RADIL: variants seen among roughly 807,000 people sequenced by gnomAD.
RADIL encodes the protein Rap associating with DIL domain.
In RADIL, 99 loss-of-function variants were observed where a neutral mutation model predicts 97.6. That is an observed-to-expected ratio of 1.01 (90% CI 0.86 to 1.20). RADIL has a LOEUF of 1.20. Ranked by LOEUF, RADIL falls within the 50% of genes most tolerant of loss-of-function variation. RADIL has a pLI of 0.00. For missense variants in RADIL, 1,765 were observed against 1,498.9 expected (o/e 1.18, Z -2.93); for synonymous variants, 803 against 691.8 (o/e 1.16, Z -2.52).
intron 2 of RADIL, among the ~76,000 whole-genome samples, chr7:4,875,779 A>C (rs888605804): frequency 5.3e-5 from 8 of 152,024 alleles, no homozygotes; most frequent in African/African-American, 1.4e-4. Context: ...GCCTCACAGG[A>C]GGTCTTTTTG....
At chr7:4,866,865 G>A (rs1784142491) in intron 2 of RADIL, among the ~76,000 whole-genome samples, 1 of 152,214 alleles carries the variant, frequency 6.6e-6, no homozygotes, top group Admixed American at 6.5e-5. Context: ...CCTCATGAAT[G>A]GCTGGTACTG....
At chr7:4,803,888 G>A in intron 10 of RADIL, 134 bp from the exon 11 acceptor site, 1 of 830,608 alleles carries the variant, frequency 1.2e-6, no homozygotes, top group Non-Finnish European at 2.0e-6. Context: ...GGACACAGGA[G>A]GCTGGGATCC....
chr7:4,878,567 G>A lies in RADIL; in HGVS notation c.-64-364C>T, dbSNP rs1784419957. 6.6e-6 allele frequency among the ~76,000 whole-genome samples: 1 copy of A among 152,170 alleles called. No individual in the cohort carries two copies. The highest frequency in any genetic ancestry group is 1.5e-5 in the Non-Finnish European group (1 of 68,028). ...AATCTAATGGACATAACAGGCCGTGGGCATCCTGGCCCCGCAGACCTGACA... is the reference window on the plus strand; with the variant it reads ...AATCTAATGGACATAACAGGCCGTGAGCATCCTGGCCCCGCAGACCTGACA... On this transcript the variant is annotated intron_variant, in intron 1 of 14. Coordinates refer to ENST00000399583, the MANE Select transcript of RADIL (RefSeq NM_018059.5). This position sits in a 1 kb window ranked among gnomAD's most constrained non-coding sequence, Gnocchi z 4.1.
rs116508770 is a variant in RADIL, at chr7:4,871,521, C to G, written c.535+6084G>C. On this transcript the variant is annotated intron_variant, in intron 2 of 14. Coordinates refer to ENST00000399583, the MANE Select transcript of RADIL (RefSeq NM_018059.5). ...ATGCAAACTCAGAGCTGGCACTCAG[C>G]GACAACACAGACCTGCCACCCGCCT... Among the ~76,000 whole-genome samples the G allele has an allele frequency of 9.7e-3, 1,480 of 152,310 alleles. 19 individuals carry two copies. The highest frequency in any genetic ancestry group is 0.032 in the African/African-American group (1,312 of 41,560).
At chr7:4,807,979 CTCTCTCCCTGT>C in intron 9 of RADIL, among the ~76,000 whole-genome samples, 4 of 68,704 alleles carry the variant, frequency 5.8e-5, no homozygotes, top group African/African-American at 3.8e-4. Context: ...TCCCTCCTCC[CTCTCTCCCTGT>C]CTCTCTCCCC....
chr7:4,850,807 G>A (rs761476308), intron 2 of RADIL, among the ~76,000 whole-genome samples: 23 of 152,176 alleles, frequency 1.5e-4, no homozygotes, highest in Non-Finnish European at 2.6e-4. Context: ...TGTGAGACCT[G>A]GGCAGAGGGT....
At chr7:4,826,720 G>A (rs565052303) in intron 5 of RADIL, among the ~76,000 whole-genome samples, 40 of 144,736 alleles carry the variant, frequency 2.8e-4, no homozygotes, top group African/African-American at 6.7e-4. Context: ...GCAACAGAGC[G>A]AGACTCCGTC....
intron 9 of RADIL, among the ~76,000 whole-genome samples, chr7:4,806,684 T>C (rs1446886324): frequency 1.3e-5 from 2 of 152,232 alleles, no homozygotes; most frequent in African/African-American, 4.8e-5. Context: ...TTCTATGGAA[T>C]AGATCTTCTA....
At chr7:4,823,995 T>C (rs1225095040) in intron 5 of RADIL, among the ~76,000 whole-genome samples, 1 of 152,222 alleles carries the variant, frequency 6.6e-6, no homozygotes, top group African/African-American at 2.4e-5. Flanking sequence ...TAAGTCTCCA[T>C]AATCGCACCT....
In RADIL at chr7:4,854,519, T is replaced by A. The variant is rs948577033; in HGVS notation, c.536-17914A>T. Among the ~76,000 whole-genome samples, 4 of 151,842 alleles carry A rather than the reference T, an allele frequency of 2.6e-5. No homozygotes were observed. Among genetic ancestry groups the A allele is most frequent in the Non-Finnish European group, 5.9e-5 (4 of 67,942 alleles). ...GACCAGCCTGGCCAATATGGTGAAA[T>A]CCTGTCTCTACTAAAAATACAAAAA... is the stretch of plus-strand genomic sequence containing the variant. On this transcript the variant is annotated intron_variant, in intron 2 of 14. Transcript: ENST00000399583. The surrounding 1 kb of genome is among the most constrained non-coding windows in gnomAD (Gnocchi z 5.1).
At chr7:4,802,629 AC>A (rs1782140083) in intron 11 of RADIL, among the ~76,000 whole-genome samples, 1 of 46,638 alleles carries the variant, frequency 2.1e-5, no homozygotes, top group Non-Finnish European at 4.4e-5. Flanking sequence ...TGCTGGCTGG[AC>A]CCCCTCCCCG....
rs1043769125 is a variant in RADIL at position 4,831,485 on chromosome 7, A to G, written c.1454+656T>C. On this transcript the variant is annotated intron_variant, in intron 5 of 14. Transcript: ENST00000399583. Reference sequence around the variant, plus strand: ...CATCTGTACAACAAGCCCGCACGACATAAGTTTACCTATGTAACAAAGCTG... The same window carrying G: ...CATCTGTACAACAAGCCCGCACGACGTAAGTTTACCTATGTAACAAAGCTG... Among the ~76,000 whole-genome samples the G allele has an allele frequency of 2.4e-4, 37 of 151,878 alleles. 2 individuals carry two copies. The highest frequency in any genetic ancestry group is 2.4e-3 in the Admixed American group (36 of 15,240).
intron 2 of RADIL, among the ~76,000 whole-genome samples, chr7:4,843,430 C>G (rs1690736797): frequency 1.3e-5 from 2 of 152,140 alleles, no homozygotes; most frequent in South Asian, 4.1e-4. Flanking sequence ...CTTCTGTTAG[C>G]TGAGGCACCC....
At chr7:4,828,670 T>G (rs1054020474) in intron 5 of RADIL, among the ~76,000 whole-genome samples, 2 of 152,202 alleles carry the variant, frequency 1.3e-5, no homozygotes, top group Non-Finnish European at 2.9e-5. Flanking sequence ...GTTTCAGGTG[T>G]GGGATCACGG....
chr7:4,861,518 A>C (rs1358344455), intron 2 of RADIL: 14 of 1,613,936 alleles, frequency 8.7e-6, no homozygotes, highest in Non-Finnish European at 1.2e-5. Flanking sequence ...AAACGTAAAA[A>C]TCTTTCCTCC....
At chr7:4,825,519 C>T (rs1782949534) in intron 5 of RADIL, among the ~76,000 whole-genome samples, 1 of 152,060 alleles carries the variant, frequency 6.6e-6, no homozygotes, top group African/African-American at 2.4e-5. Flanking sequence ...AAACCACAGA[C>T]AGCTCAGCCA....
chr7:4,804,783 CTCAG>C (rs1234892111), intron 10 of RADIL, among the ~76,000 whole-genome samples: 3 of 145,318 alleles, frequency 2.1e-5, no homozygotes, highest in Admixed American at 6.9e-5. Flanking sequence ...GAGACTCTGT[CTCAG>C]TCAATCAATC....
chr7:4,842,141 C>G lies in RADIL; in HGVS notation c.536-5536G>C, dbSNP rs1379836069. On this transcript the variant is annotated intron_variant, in intron 2 of 14. Transcript: ENST00000399583. The surrounding 1 kb of genome is among the most constrained non-coding windows in gnomAD (Gnocchi z 4.5). ...GACCATGGTTTGCAGACAGGCCTGC[C>G]TGGTCATGAAATGTCTGCCTTTGAC... Among the ~76,000 whole-genome samples, 2 of 151,996 alleles carry G rather than the reference C, an allele frequency of 1.3e-5. No individual in the cohort carries two copies. Among genetic ancestry groups the G allele is most frequent in the Admixed American group, 6.6e-5 (1 of 15,264 alleles).
Position 4,805,557 on chromosome 7 carries a change from A to G in RADIL, c.2290+9T>C. The G allele has an allele frequency of 6.3e-7, 1 of 1,578,964 alleles. No individual in the cohort carries two copies. Among genetic ancestry groups the G allele is most frequent in the Non-Finnish European group, 8.6e-7 (1 of 1,159,914 alleles). ...CCCCAGCCCTCTCCTGCCCTGGGGC[A>G]GGGCTTACCTGACCTGAAGGCCTCG... On this transcript the variant is annotated intron_variant, in intron 10 of 14. Transcript: ENST00000399583.
Sources: allele counts gnomAD v4.1 joint callset (sites outside exome capture counted in the v4.1 genomes callset), GRCh38; gene constraint gnomAD v4.1.1; non-coding constraint Gnocchi (gnomAD v3.1); transcripts MANE v1.5; gene names NCBI Gene and HGNC (gene_info 2026-07-23, HGNC 2026-07-21).